KCNIP4: variants seen among roughly 807,000 people sequenced by gnomAD.
KCNIP4 encodes Kv channel-interacting protein 4.
Under a neutral mutation model 34.0 loss-of-function variants are expected in KCNIP4, and 12 were observed. The observed-to-expected ratio is 0.35, with a 90% confidence interval of 0.23 to 0.57. The LOEUF (loss-of-function observed/expected upper bound fraction) is 0.57, where lower values mean the gene tolerates loss of function less well. Ranked by LOEUF, KCNIP4 falls within the 20% of genes least tolerant of loss-of-function variation. KCNIP4 has a pLI of 0.83. For synonymous variants in KCNIP4, 124 were observed against 102.2 expected, an observed-to-expected ratio of 1.21 and a Z score of -1.29; for missense variants, 238 against 311.7, an observed-to-expected ratio of 0.76 and a Z score of 1.78.
At chr4:21,103,221 T>G (rs1748109715) in intron 1 of KCNIP4, among the ~76,000 whole-genome samples, 1 of 150,726 alleles carries the variant, frequency 6.6e-6, no homozygotes, top group Non-Finnish European at 1.5e-5. Flanking sequence ...TCTCTGAGAT[T>G]CAGTTTCTTG....
chr4:20,900,876 G>A (rs1465021826), intron 1 of KCNIP4, among the ~76,000 whole-genome samples: 1 of 151,954 alleles, frequency 6.6e-6, no homozygotes, highest in Non-Finnish European at 1.5e-5. Context: ...TTGTGTTCTC[G>A]AGCTAAAATT....
chr4:20,731,460 C>T, intron 8 of KCNIP4: 1 of 985,268 alleles, frequency 1.0e-6, no homozygotes, highest in Non-Finnish European at 1.2e-6. Flanking sequence ...TAACAGGCTA[C>T]TACCTGGAGT....
intron 1 of KCNIP4, among the ~76,000 whole-genome samples, chr4:21,807,050 C>G: frequency 6.6e-6 from 1 of 152,126 alleles, no homozygotes; most frequent in Non-Finnish European, 1.5e-5. Context: ...TGATGAGAGA[C>G]AGTGACAGAT....
intron 1 of KCNIP4, among the ~76,000 whole-genome samples, chr4:21,043,686 T>A (rs1171835063): frequency 1.3e-5 from 2 of 152,106 alleles, no homozygotes; most frequent in Non-Finnish European, 2.9e-5. Context: ...ATAGAAGCAA[T>A]GTTTTTGGAT....
intron 3 of KCNIP4, among the ~76,000 whole-genome samples, chr4:20,812,521 A>C (rs1438417254): frequency 6.6e-6 from 1 of 152,190 alleles, no homozygotes; most frequent in East Asian, 1.9e-4. Context: ...TCCAAGCTTA[A>C]ACATATTTTT....
chr4:21,843,690 C>T (rs1723832048), intron 1 of KCNIP4: 1 of 152,018 alleles, frequency 6.6e-6, no homozygotes, highest in East Asian at 1.9e-4. Flanking sequence ...CTCCATGCTG[C>T]CTCTTCATCA....
chr4:21,534,375 A>G (rs1247343990), intron 1 of KCNIP4, among the ~76,000 whole-genome samples: 1 of 152,142 alleles, frequency 6.6e-6, no homozygotes, highest in Non-Finnish European at 1.5e-5. Context: ...CTGAACAGGG[A>G]ATATGATAAA....
chr4:21,791,148 T>C (rs936450592), intron 1 of KCNIP4, among the ~76,000 whole-genome samples: 3 of 152,086 alleles, frequency 2.0e-5, no homozygotes. Context: ...TGAGGACAAA[T>C]TGCCAGCATG....
chr4:20,999,358 A>C (rs1314741226), intron 1 of KCNIP4, among the ~76,000 whole-genome samples: 1 of 151,342 alleles, frequency 6.6e-6, no homozygotes, highest in Non-Finnish European at 1.5e-5. Flanking sequence ...TAAACAGGAC[A>C]CAGATCACGA....
intron 1 of KCNIP4, among the ~76,000 whole-genome samples, chr4:20,981,170 G>A (rs1286664808): frequency 6.6e-6 from 1 of 152,154 alleles, no homozygotes; most frequent in East Asian, 1.9e-4. Flanking sequence ...TTGAATGTAA[G>A]TCACATTTGG....
At chr4:21,423,142 G>A (rs1725627748) in intron 1 of KCNIP4, among the ~76,000 whole-genome samples, 1 of 152,146 alleles carries the variant, frequency 6.6e-6, no homozygotes. Context: ...CCAATGATGA[G>A]ATGATCAGTA....
chr4:21,285,519 A>G (rs929422375), intron 1 of KCNIP4, among the ~76,000 whole-genome samples: 4 of 152,134 alleles, frequency 2.6e-5, no homozygotes, highest in African/African-American at 4.8e-5. Flanking sequence ...AAACAATGCC[A>G]TGAAACTACA....
chr4:21,894,732 T>C (rs1242829992), intron 1 of KCNIP4, among the ~76,000 whole-genome samples: 1 of 152,208 alleles, frequency 6.6e-6, no homozygotes, highest in Non-Finnish European at 1.5e-5. Flanking sequence ...ATTGCTAAGG[T>C]ATGAACTTGC....
At chr4:21,085,803 T>C (rs1746375151) in intron 1 of KCNIP4, among the ~76,000 whole-genome samples, 1 of 152,176 alleles carries the variant, frequency 6.6e-6, no homozygotes, top group African/African-American at 2.4e-5. Context: ...AATCAGAAGT[T>C]CACACGTATG....
intron 2 of KCNIP4, among the ~76,000 whole-genome samples, chr4:20,852,001 T>G (rs943167397): frequency 6.6e-6 from 1 of 151,600 alleles, no homozygotes; most frequent in African/African-American, 2.4e-5. Context: ...GGTGACAGCA[T>G]GAGACCCTGT....
intron 1 of KCNIP4, among the ~76,000 whole-genome samples, chr4:21,519,766 T>C (rs1735332289): frequency 7.1e-6 from 1 of 141,026 alleles, no homozygotes; most frequent in African/African-American, 2.7e-5. Context: ...TATGTATGTG[T>C]GTATACACAC....
intron 1 of KCNIP4, among the ~76,000 whole-genome samples, chr4:21,434,595 T>C (rs1281618483): frequency 1.3e-5 from 2 of 152,076 alleles, no homozygotes; most frequent in Non-Finnish European, 2.9e-5. Flanking sequence ...GCCTGAGCTC[T>C]GCCTCCTGTC....
chr4:21,009,809 G>T (rs1738911467), intron 1 of KCNIP4, among the ~76,000 whole-genome samples: 1 of 152,160 alleles, frequency 6.6e-6, no homozygotes, highest in African/African-American at 2.4e-5. Flanking sequence ...CTGAAAAGAC[G>T]TTCACACAGG....
chr4:20,832,254 A>G (rs1240374687), intron 3 of KCNIP4, among the ~76,000 whole-genome samples: 3 of 152,294 alleles, frequency 2.0e-5, no homozygotes, highest in Non-Finnish European at 4.4e-5. Context: ...GACAAAGCAG[A>G]GTATGATTTC....
Sources: gnomAD v4.1 joint callset for allele counts (sites outside exome capture counted in the v4.1 genomes callset) on GRCh38, gnomAD v4.1.1 for gene constraint, MANE v1.5 for transcripts, NCBI Gene and HGNC (gene_info 2026-07-23, HGNC 2026-07-21) for gene names.